The following PCNX2 variants were observed in gnomAD, a reference collection of about 807,000 sequenced individuals.
The protein encoded by PCNX2 is pecanex 2.
Under a neutral mutation model 223.8 loss-of-function variants are expected in PCNX2, and 168 were observed. The ratio of observed to expected loss-of-function variants is 0.75; its 90% CI spans 0.66 to 0.85. PCNX2 has a LOEUF of 0.85. Among genes scored for constraint, PCNX2 ranks in the 40% least tolerant of loss-of-function variants. PCNX2 has a pLI of 0.00. For missense variants in PCNX2, 2,507 were observed against 2,675.5 expected (o/e 0.94, Z 1.39); for synonymous variants, 1,006 against 1,052.6 (o/e 0.96, Z 0.86).
In PCNX2 at chr1:233,259,144, G is replaced by A. The variant is rs762362794; in HGVS notation, c.718C>T (p.Arg240Cys). 72 of 1,613,946 alleles carry A rather than the reference G, an allele frequency of 4.5e-5. No homozygotes were observed. The highest frequency in any genetic ancestry group is 2.9e-4 in the South Asian group (26 of 91,082). The stretch of plus-strand genomic sequence containing the variant: ...ACTAAGCCACCCTCGGATCTGTGGC[G>A]CAAAGGAGGCTGCCCCTTGCCTCCT... ...ERGGKGQPPLRHRSEGGLVDK... is the reference protein window; with the variant it reads ...ERGGKGQPPLCHRSEGGLVDK... The change falls in exon 5 of 34, where the codon CGC becomes TGC. Residue 240 changes from arginine to cysteine, a missense_variant. Arg to Cys is a radical substitution (Grantham distance 180, BLOSUM62 -3). Coordinates refer to ENST00000258229, the MANE Select transcript of PCNX2 (RefSeq NM_014801.4).
At chr1:233,274,514 T>C (rs570666854) in intron 1 of PCNX2, among the ~76,000 whole-genome samples, 4 of 152,310 alleles carry the variant, frequency 2.6e-5, no homozygotes, top group African/African-American at 7.2e-5. Flanking sequence ...ATAGTCCCTA[T>C]ACATACCAAG....
rs145091785 is a variant in PCNX2 at position 233,046,596 on chromosome 1, G to A, written c.4351+7672C>T. On this transcript the variant is annotated intron_variant, in intron 25 of 33. Transcript: ENST00000258229. Reference sequence around the variant, plus strand: ...GGAACTATCATTTTTTTCTCAAGACGTTGCTATGGTGCCAAAGTGACCCTT... The same window carrying A: ...GGAACTATCATTTTTTTCTCAAGACATTGCTATGGTGCCAAAGTGACCCTT... 8.6e-3 allele frequency among the ~76,000 whole-genome samples: 1,311 copies of A among 152,196 alleles called. 45 individuals carry two copies. The highest frequency in any genetic ancestry group is 0.07 in the Admixed American group (1,072 of 15,284).
chr1:233,164,361 T>G (rs772244869), intron 17 of PCNX2, among the ~76,000 whole-genome samples: 5 of 152,058 alleles, frequency 3.3e-5, no homozygotes, highest in Non-Finnish European at 7.4e-5. Flanking sequence ...CTACAGCCAT[T>G]ATAGAAAGCA....
intron 15 of PCNX2, among the ~76,000 whole-genome samples, chr1:233,183,168 G>A (rs1378387270): frequency 1.3e-5 from 2 of 152,150 alleles, no homozygotes; most frequent in Non-Finnish European, 2.9e-5. Context: ...GGGGCAACCT[G>A]ATGGCACAAT....
At chr1:233,007,579 C>T (rs111580514) in intron 28 of PCNX2, among the ~76,000 whole-genome samples, 3,490 of 152,190 alleles carry the variant, frequency 0.023, 146 homozygotes, top group African/African-American at 0.079. Context: ...TCTCTGTTGC[C>T]CAGGCTGGAG....
chr1:233,306,238 C>G, the PCNX2 span, among the ~76,000 whole-genome samples: 1 of 152,196 alleles, frequency 6.6e-6, no homozygotes, highest in Non-Finnish European at 1.5e-5. Flanking sequence ...ATGCACCCAA[C>G]AACAGAACCT....
intron 17 of PCNX2, among the ~76,000 whole-genome samples, chr1:233,164,951 T>C (rs1678706450): frequency 6.6e-6 from 1 of 152,198 alleles, no homozygotes; most frequent in Admixed American, 6.5e-5. Flanking sequence ...ATTCTGGTGT[T>C]CTACAGGATA....
rs146173169 is a variant in PCNX2 at position 233,098,589 on chromosome 1, T to C, written c.3838-2726A>G. On this transcript the variant is annotated intron_variant, in intron 21 of 33. Transcript: ENST00000258229. ...GCCTTTCAACATGAAGCTCATAAAA[T>C]AGACTCCACTGTTCTCAATCATTGA... Among the ~76,000 whole-genome samples the C allele has an allele frequency of 3.9e-5, 6 of 152,256 alleles. No individual in the cohort carries two copies. In the East Asian group the frequency reaches 1.2e-3, roughly 29 times the overall value.
chr1:233,292,152 T>C (rs1661802229), intron 1 of PCNX2: 1 of 624,036 alleles, frequency 1.6e-6, no homozygotes, highest in Non-Finnish European at 2.0e-6. Flanking sequence ...AAAGTATCTG[T>C]TATATTAAAA....
chr1:233,324,420 C>T, the PCNX2 span, among the ~76,000 whole-genome samples: 9 of 152,110 alleles, frequency 5.9e-5, no homozygotes, highest in Non-Finnish European at 1.0e-4. Flanking sequence ...AAAGGACAGG[C>T]TGACTCTCTT....
intron 25 of PCNX2, chr1:233,031,822 T>G: frequency 6.1e-6 from 6 of 984,672 alleles, no homozygotes; most frequent in Non-Finnish European, 7.2e-6. Context: ...CAAGGGTCTC[T>G]TAACTCATTC....
chr1:233,271,942 G>T (rs1022515181), intron 1 of PCNX2, among the ~76,000 whole-genome samples: 3 of 152,044 alleles, frequency 2.0e-5, no homozygotes, highest in Admixed American at 2.0e-4. Context: ...GCTTAGTCTT[G>T]CCTTGGCTAT....
chr1:233,021,203 G>A (rs1045039587), intron 26 of PCNX2, among the ~76,000 whole-genome samples: 1 of 152,126 alleles, frequency 6.6e-6, no homozygotes, highest in East Asian at 1.9e-4. Flanking sequence ...AGGCAACCTC[G>A]CAGGATAGGC....
upstream of PCNX2, among the ~76,000 whole-genome samples, chr1:233,298,169 C>G (rs541261780): frequency 6.6e-6 from 1 of 151,948 alleles, no homozygotes; most frequent in East Asian, 1.9e-4. Context: ...AAAAATGAAG[C>G]CAAGAGGGCT....
At chr1:233,272,688 G>C (rs975331676) in intron 1 of PCNX2, among the ~76,000 whole-genome samples, 4 of 152,196 alleles carry the variant, frequency 2.6e-5, no homozygotes, top group Non-Finnish European at 5.9e-5. Context: ...AAAGATACTT[G>C]CACAGGCATG....
At chr1:233,301,406 G>T in the PCNX2 span, among the ~76,000 whole-genome samples, 1 of 152,120 alleles carries the variant, frequency 6.6e-6, no homozygotes. Flanking sequence ...AAAATAAAGG[G>T]AAAATGCTTG....
intron 1 of PCNX2, among the ~76,000 whole-genome samples, chr1:233,283,214 T>A (rs1425690073): frequency 2.6e-5 from 4 of 151,818 alleles, no homozygotes; most frequent in African/African-American, 9.7e-5. Flanking sequence ...AGAGAAAGAG[T>A]CCTTTGATAT....
chr1:233,177,974 A>C (rs1679578179), intron 16 of PCNX2, 76 bp from the exon 17 acceptor site: 1 of 1,120,052 alleles, frequency 8.9e-7, no homozygotes, highest in African/African-American at 1.5e-5. Context: ...TTCACCTTAG[A>C]TCTCACACCC....
chr1:233,206,034 T>C (rs1457801556), intron 13 of PCNX2, among the ~76,000 whole-genome samples: 1 of 151,894 alleles, frequency 6.6e-6, no homozygotes, highest in Non-Finnish European at 1.5e-5. Context: ...CAGAACAGCT[T>C]CCAAGTGGAA....
Sources: allele counts gnomAD v4.1 joint callset (sites outside exome capture counted in the v4.1 genomes callset), GRCh38; gene constraint gnomAD v4.1.1; transcripts MANE v1.5; gene names NCBI Gene and HGNC (gene_info 2026-07-23, HGNC 2026-07-21).